HEMK2: variants seen among roughly 807,000 people sequenced by gnomAD.
HEMK2 encodes the protein HemK methyltransferase 2, ETF1 glutamine and histone H4 lysine.
At chr21:28,815,124 G>T in the HEMK2 span, among the ~76,000 whole-genome samples, 135 of 150,482 alleles carry the variant, frequency 9.0e-4, 1 homozygote, top group Admixed American at 8.6e-3. Context: ...GCAAACTATC[G>T]CAAGGACAAA....
At chr21:28,679,290 AC>A in the HEMK2 span, among the ~76,000 whole-genome samples, 1 of 152,206 alleles carries the variant, frequency 6.6e-6, no homozygotes, top group Non-Finnish European at 1.5e-5. Context: ...ATCAAAAGAG[AC>A]AAAGAAGGCC....
the HEMK2 span, among the ~76,000 whole-genome samples, chr21:28,640,261 A>T: frequency 3.1e-3 from 465 of 152,296 alleles, 2 homozygotes; most frequent in African/African-American, 0.011. Flanking sequence ...CCAACCTCCC[A>T]TGATGACCAG....
chr21:28,857,454 CTTTT>C, the HEMK2 span, among the ~76,000 whole-genome samples: 1 of 151,762 alleles, frequency 6.6e-6, no homozygotes. Flanking sequence ...TTCTGTATAA[CTTTT>C]TTTTGCTTGT....
the HEMK2 span, among the ~76,000 whole-genome samples, chr21:28,730,412 ACACAC>A: frequency 6.2e-4 from 68 of 109,564 alleles, no homozygotes; most frequent in East Asian, 3.6e-3. Context: ...ACACACACAC[ACACAC>A]ATTTCTCACA....
At chr21:28,765,831 T>A in the HEMK2 span, among the ~76,000 whole-genome samples, 2 of 152,062 alleles carry the variant, frequency 1.3e-5, no homozygotes, top group Non-Finnish European at 2.9e-5. Context: ...GTGTGAGTAA[T>A]GACTAGCTAA....
the HEMK2 span, among the ~76,000 whole-genome samples, chr21:28,673,019 AAAG>A: frequency 6.6e-6 from 1 of 151,394 alleles, no homozygotes; most frequent in Non-Finnish European, 1.5e-5. Flanking sequence ...AGAAAGAAAG[AAAG>A]AAAGAGAAAG....
the HEMK2 span, among the ~76,000 whole-genome samples, chr21:28,709,737 C>A: frequency 9.2e-5 from 14 of 151,946 alleles, no homozygotes; most frequent in Admixed American, 7.2e-4. Context: ...AGACAGAGGG[C>A]AGGGGAGAAA....
the HEMK2 span, among the ~76,000 whole-genome samples, chr21:28,659,738 A>G: frequency 2.2e-3 from 340 of 152,172 alleles, 4 homozygotes; most frequent in African/African-American, 7.8e-3. Flanking sequence ...AAATATCTCC[A>G]TATCAGATAA....
At chr21:28,826,300 T>C in the HEMK2 span, among the ~76,000 whole-genome samples, 1 of 152,166 alleles carries the variant, frequency 6.6e-6, no homozygotes, top group African/African-American at 2.4e-5. Context: ...CTGTAAATAT[T>C]AGCAGAGTCT....
At chr21:28,882,414 T>C in the HEMK2 span, among the ~76,000 whole-genome samples, 1 of 152,136 alleles carries the variant, frequency 6.6e-6, no homozygotes, top group African/African-American at 2.4e-5. Context: ...AAGGATTTGT[T>C]CTATTGATGA....
the HEMK2 span, among the ~76,000 whole-genome samples, chr21:28,614,189 G>C: frequency 3.9e-5 from 6 of 152,162 alleles, no homozygotes; most frequent in Non-Finnish European, 8.8e-5. Flanking sequence ...AATTGAGTGA[G>C]AAAAGATGAA....
At chr21:28,742,404 T>C in the HEMK2 span, among the ~76,000 whole-genome samples, 3 of 152,234 alleles carry the variant, frequency 2.0e-5, no homozygotes, top group Non-Finnish European at 4.4e-5. Flanking sequence ...TAACATTTGG[T>C]AAACTTATCT....
the HEMK2 span, among the ~76,000 whole-genome samples, chr21:28,592,997 C>T: frequency 6.6e-6 from 1 of 152,062 alleles, no homozygotes; most frequent in African/African-American, 2.4e-5. Flanking sequence ...TCTGATGATT[C>T]CATGTAAACA....
chr21:28,736,035 A>T, the HEMK2 span, among the ~76,000 whole-genome samples: 2 of 152,206 alleles, frequency 1.3e-5, no homozygotes, highest in African/African-American at 4.8e-5. Flanking sequence ...AACAGATTCT[A>T]CCTTTTGATG....
the HEMK2 span, among the ~76,000 whole-genome samples, chr21:28,638,780 C>T: frequency 6.6e-6 from 1 of 152,142 alleles, no homozygotes; most frequent in African/African-American, 2.4e-5. Context: ...GCCGGAGCTC[C>T]TTGGTTTTCC....
chr21:28,833,222 T>C, the HEMK2 span, among the ~76,000 whole-genome samples: 3 of 152,358 alleles, frequency 2.0e-5, no homozygotes, highest in South Asian at 2.1e-4. Flanking sequence ...AAGCCACTTA[T>C]AGTTTGATTA....
chr21:28,718,448 G>C, the HEMK2 span, among the ~76,000 whole-genome samples: 3 of 152,210 alleles, frequency 2.0e-5, no homozygotes, highest in Non-Finnish European at 4.4e-5. Context: ...AATTGGTCAA[G>C]TGTTGAATTT....
chr21:28,660,839 G>A, the HEMK2 span, among the ~76,000 whole-genome samples: 1 of 151,948 alleles, frequency 6.6e-6, no homozygotes, highest in African/African-American at 2.4e-5. Context: ...TAAAAAATGG[G>A]ACAGAACTCA....
chr21:28,654,350 A>G, the HEMK2 span, among the ~76,000 whole-genome samples: 1 of 152,178 alleles, frequency 6.6e-6, no homozygotes, highest in Non-Finnish European at 1.5e-5. Flanking sequence ...GTCTACTAAC[A>G]GCTTTCATGG....
Sources: gnomAD v4.1 joint callset for allele counts (sites outside exome capture counted in the v4.1 genomes callset) on GRCh38, gnomAD v4.1.1 for gene constraint, MANE v1.5 for transcripts, NCBI Gene and HGNC (gene_info 2026-07-23, HGNC 2026-07-21) for gene names.